Variants in FOXP1 observed in about 807,000 individuals in gnomAD.
The protein encoded by FOXP1 is forkhead box protein P1.
Under a neutral mutation model 98.2 loss-of-function variants are expected in FOXP1, and 15 were observed. The observed-to-expected ratio is 0.15, with a 90% confidence interval of 0.10 to 0.24. The LOEUF (loss-of-function observed/expected upper bound fraction) is 0.24. Among genes scored for constraint, FOXP1 ranks in the 10% least tolerant of loss-of-function variants. The probability of loss-of-function intolerance (pLI) is 1.00; values close to 1 mark genes in which losing one functional copy is unlikely to be tolerated. For missense variants in FOXP1, 633 were observed against 848.5 expected (o/e 0.75, Z 3.15); for synonymous variants, 371 against 314.5 (o/e 1.18, Z -1.90).
At chr3:70,962,191 T>G (rs2033701859) in intron 20 of FOXP1, among the ~76,000 whole-genome samples, 1 of 152,256 alleles carries the variant, frequency 6.6e-6, no homozygotes, top group South Asian at 2.1e-4. Context: ...TTATAATGTT[T>G]ATGGCTAGAT....
chr3:71,098,348 T>TTA (rs1392031728), intron 7 of FOXP1, among the ~76,000 whole-genome samples: 1 of 152,208 alleles, frequency 6.6e-6, no homozygotes, highest in Admixed American at 6.5e-5. Flanking sequence ...GCCATTAATA[T>TTA]TATACCTTAA....
At chr3:71,440,328 G>A (rs748193473) in intron 3 of FOXP1, among the ~76,000 whole-genome samples, 2 of 152,120 alleles carry the variant, frequency 1.3e-5, no homozygotes, top group Non-Finnish European at 2.9e-5. Flanking sequence ...CACTTTGAGA[G>A]GCCAAGGCAG....
Position 71,115,308 on chromosome 3 carries a change from TTATTATTATTTTA to T in FOXP1, c.181-2684_181-2672del, listed in dbSNP as rs1416172730. On this transcript the variant is annotated intron_variant, in intron 6 of 20. Transcript: ENST00000649528. ...GAGAATGGGCACTCAATTATTATTATTATTATTATTTTATTTATTTATTTATTTATTTATTTAT... is the reference window on the plus strand; with the variant it reads ...GAGAATGGGCACTCAATTATTATTATTTTATTTATTTATTTATTTATTTAT... 5.1e-5 allele frequency among the ~76,000 whole-genome samples: 7 copies of T among 136,516 alleles called. No individual in the cohort carries two copies. The East Asian group carries it at 1.4e-3, about 28-fold the overall frequency. The allele number at this position is 136,516 out of a possible 152,430, so 89.6% of individuals were successfully genotyped here.
At chr3:71,324,746 A>G (rs1001552847) in intron 4 of FOXP1, among the ~76,000 whole-genome samples, 2 of 152,144 alleles carry the variant, frequency 1.3e-5, no homozygotes, top group Non-Finnish European at 2.9e-5. Flanking sequence ...ACACATGTAC[A>G]CTAGAACTTA....
At chr3:71,033,602 C>CAAAAAAA (rs35470748) in intron 11 of FOXP1, among the ~76,000 whole-genome samples, 2 of 70,634 alleles carry the variant, frequency 2.8e-5, no homozygotes, top group Non-Finnish European at 7.2e-5. Context: ...AGTGAACAGT[C>CAAAAAAA]AAAAAAAAAA....
rs1053797 is a variant in FOXP1 at position 70,958,210 on chromosome 3, G to T, written c.*1037C>A. On this transcript the variant is annotated 3_prime_UTR_variant, in exon 21 of 21. Transcript: ENST00000649528. ...AATGGTTGCTGCAAAAAAAAAAAAA[G>T]AAAAGAAAAGAAAAAAAGAAAATCC... 0.55 allele frequency: 218,429 copies of T among 398,236 alleles called. 65,146 individuals are homozygous for T. Among genetic ancestry groups the T allele is most frequent in the East Asian group, 0.98 (22,736 of 23,136 alleles). 24.7% of individuals were successfully genotyped at this position (398,236 alleles called of 1,614,324 possible).
intron 11 of FOXP1, among the ~76,000 whole-genome samples, chr3:71,024,092 A>T (rs2045800644): frequency 6.6e-6 from 1 of 152,214 alleles, no homozygotes; most frequent in African/African-American, 2.4e-5. Context: ...TGCAGAAAAC[A>T]GAACGACAGG....
chr3:71,556,693 C>T (rs187781362), intron 2 of FOXP1, among the ~76,000 whole-genome samples: 19 of 145,232 alleles, frequency 1.3e-4, no homozygotes, highest in African/African-American at 3.8e-4. Context: ...TTTATTGTAA[C>T]TCTTCTTACT....
chr3:70,978,809 G>C lies in FOXP1; in HGVS notation c.1147-780C>G, dbSNP rs184626128. The stretch of plus-strand genomic sequence containing the variant: ...ACCTTTATTAAATCTATCAAATACA[G>C]GCTTGGGATCTGTTAATTTTTTTTA... On this transcript the variant is annotated intron_variant, in intron 14 of 20. Transcript: ENST00000649528. Among the ~76,000 whole-genome samples, 22 of 152,226 alleles carry C rather than the reference G, an allele frequency of 1.4e-4. No homozygotes were observed. In the East Asian group the frequency reaches 4.1e-3, roughly 28 times the overall value.
At chr3:71,333,674 A>T (rs905569565) in intron 4 of FOXP1, 3 of 152,072 alleles carry the variant, frequency 2.0e-5, no homozygotes, top group African/African-American at 7.2e-5. Context: ...AAATACAAAG[A>T]AATAGCTGGG....
intron 6 of FOXP1, among the ~76,000 whole-genome samples, chr3:71,155,286 C>T (rs2060766053): frequency 6.6e-6 from 1 of 152,154 alleles, no homozygotes; most frequent in South Asian, 2.1e-4. Flanking sequence ...TACATTTATG[C>T]CTTTAGTATA....
intron 6 of FOXP1, among the ~76,000 whole-genome samples, chr3:71,165,528 GTTTGT>G (rs2061359694): frequency 6.6e-6 from 1 of 152,132 alleles, no homozygotes; most frequent in African/African-American, 2.4e-5. Context: ...CTATTGAAAT[GTTTGT>G]TTTAACTAAT....
At chr3:71,232,896 A>G (rs887933206) in intron 5 of FOXP1, among the ~76,000 whole-genome samples, 2 of 135,566 alleles carry the variant, frequency 1.5e-5, no homozygotes, top group Non-Finnish European at 3.2e-5. Context: ...AAAAAAAAAA[A>G]GCAAGAAAAA....
intron 13 of FOXP1, among the ~76,000 whole-genome samples, chr3:70,988,561 G>A (rs911633254): frequency 2.0e-5 from 3 of 152,240 alleles, no homozygotes; most frequent in African/African-American, 7.2e-5. Context: ...AGCAGGCCAG[G>A]AGCAGGCTCC....
intron 6 of FOXP1, among the ~76,000 whole-genome samples, chr3:71,195,584 C>G (rs2063246211): frequency 6.6e-6 from 1 of 152,206 alleles, no homozygotes; most frequent in Admixed American, 6.5e-5. Context: ...TTAATCAAAG[C>G]TGTAACCCCT....
At chr3:71,432,342 G>T (rs888913006) in intron 3 of FOXP1, among the ~76,000 whole-genome samples, 3 of 152,092 alleles carry the variant, frequency 2.0e-5, no homozygotes, top group African/African-American at 7.2e-5. Context: ...CCCCGGCCCT[G>T]CACAGAGCAT....
intron 4 of FOXP1, among the ~76,000 whole-genome samples, chr3:71,350,954 CA>C (rs1391952625): frequency 6.6e-6 from 1 of 152,138 alleles, no homozygotes; most frequent in African/African-American, 2.4e-5. Flanking sequence ...GACCTCCCAC[CA>C]CCCCCAACTC....
intron 7 of FOXP1, among the ~76,000 whole-genome samples, chr3:71,063,186 T>A (rs1434245272): frequency 6.6e-6 from 1 of 152,280 alleles, no homozygotes; most frequent in Non-Finnish European, 1.5e-5. Flanking sequence ...GTTTCATTTT[T>A]ACACACTTTT....
chr3:71,520,059 A>T (rs1024006202), intron 2 of FOXP1, among the ~76,000 whole-genome samples: 7 of 152,270 alleles, frequency 4.6e-5, no homozygotes, highest in Non-Finnish European at 8.8e-5. Context: ...ACAGACAGAA[A>T]GGAAGAAAGA....
Sources: allele counts gnomAD v4.1 joint callset (sites outside exome capture counted in the v4.1 genomes callset), GRCh38; gene constraint gnomAD v4.1.1; transcripts MANE v1.5; gene names NCBI Gene and HGNC (gene_info 2026-07-23, HGNC 2026-07-21).